The following NRXN3 variants were observed in gnomAD, a reference collection of about 807,000 sequenced individuals.
NRXN3 encodes the protein neurexin III.
A neutral mutation model predicts 137.6 loss-of-function variants in NRXN3; 32 were observed. The observed-to-expected ratio is 0.23, with a 90% CI of 0.18 to 0.31. The LOEUF (loss-of-function observed/expected upper bound fraction) is 0.31, where lower values mean the gene tolerates loss of function less well. Among genes scored for constraint, NRXN3 ranks in the 10% least tolerant of loss-of-function variants. NRXN3 has a pLI of 1.00. For missense variants in NRXN3, 1,574 were observed against 2,062.5 expected, an observed-to-expected ratio of 0.76 and a Z score of 4.59; for synonymous variants, 798 against 784.5, an observed-to-expected ratio of 1.02 and a Z score of -0.29.
At position 79,723,001 on chromosome 14, in the gene NRXN3, T is replaced by G. The variant is rs2098850876; in HGVS notation, c.4014+25064T>G. On this transcript the variant is annotated intron_variant, in intron 19 of 20. Coordinates refer to ENST00000335750, the MANE Select transcript of NRXN3 (RefSeq NM_001330195.2). ...AATAAGCATAGTCTTGAGTGGGCTTTAGTCAGAGTTATTTGTGTGCATTTA... is the reference window on the plus strand; with the variant it reads ...AATAAGCATAGTCTTGAGTGGGCTTGAGTCAGAGTTATTTGTGTGCATTTA... Among the ~76,000 whole-genome samples, 3 of 152,152 alleles carry G rather than the reference T, an allele frequency of 2.0e-5. No homozygotes were observed. In the South Asian group the frequency reaches 6.2e-4, roughly 31 times the overall value.
intron 16 of NRXN3, among the ~76,000 whole-genome samples, chr14:79,470,853 G>T (rs1269991584): frequency 6.7e-6 from 1 of 149,444 alleles, no homozygotes; most frequent in African/African-American, 2.5e-5. Context: ...ATTAGCCAGC[G>T]GTGTATATGT....
intron 15 of NRXN3, among the ~76,000 whole-genome samples, chr14:79,172,368 A>G (rs1368997203): frequency 6.6e-6 from 1 of 152,174 alleles, no homozygotes; most frequent in Non-Finnish European, 1.5e-5. Flanking sequence ...TATTCTGATC[A>G]GATTATTTTT....
At chr14:79,496,632 T>C (rs939851695) in intron 16 of NRXN3, among the ~76,000 whole-genome samples, 2 of 152,214 alleles carry the variant, frequency 1.3e-5, no homozygotes, top group African/African-American at 4.8e-5. Flanking sequence ...TGTGTTTAGA[T>C]TGATGGGCCT....
At chr14:79,493,118 T>A (rs1208754106) in intron 16 of NRXN3, among the ~76,000 whole-genome samples, 1 of 152,148 alleles carries the variant, frequency 6.6e-6, no homozygotes, top group Non-Finnish European at 1.5e-5. Flanking sequence ...GAAGTTGGCA[T>A]TGTGAAGATT....
At chr14:78,273,663 T>C (rs61976008) in intron 2 of NRXN3, among the ~76,000 whole-genome samples, 1 of 152,058 alleles carries the variant, frequency 6.6e-6, no homozygotes, top group Non-Finnish European at 1.5e-5. Context: ...AGGAAATACA[T>C]AGGTAAATAT....
intron 15 of NRXN3, among the ~76,000 whole-genome samples, chr14:79,278,856 C>G (rs2080751011): frequency 2.0e-5 from 3 of 152,202 alleles, no homozygotes; most frequent in Admixed American, 2.0e-4. Flanking sequence ...GGGAGACACA[C>G]GCGCCTGGAG....
At chr14:79,549,330 G>A (rs1033103477) in intron 16 of NRXN3, among the ~76,000 whole-genome samples, 2 of 152,106 alleles carry the variant, frequency 1.3e-5, no homozygotes, top group African/African-American at 2.4e-5. Flanking sequence ...TACCAGCTGT[G>A]TGATCTTTGG....
chr14:79,262,100 A>G (rs548501984), intron 15 of NRXN3, among the ~76,000 whole-genome samples: 3 of 152,148 alleles, frequency 2.0e-5, no homozygotes, highest in Non-Finnish European at 4.4e-5. Context: ...CATTTATACA[A>G]TGTTTACACA....
At chr14:78,999,305 T>C (rs1598384540) in intron 15 of NRXN3, among the ~76,000 whole-genome samples, 2 of 152,256 alleles carry the variant, frequency 1.3e-5, no homozygotes, top group Middle Eastern at 6.8e-3. Context: ...CTGCTGAAAA[T>C]GTGGAAAACA....
At chr14:79,277,361 AAAAGTGCAGTGGAAATCCACCTGG>A (rs1287759066) in intron 15 of NRXN3, among the ~76,000 whole-genome samples, 4 of 152,232 alleles carry the variant, frequency 2.6e-5, no homozygotes, top group Non-Finnish European at 4.4e-5. Flanking sequence ...CCTTAAGGCC[AAAAGTGCAGTGGAAATCCACCTGG>A]GGACTAAATC....
In NRXN3 at chr14:79,448,019, A is replaced by T. The variant is rs186744316; in HGVS notation, c.3263-19202A>T. 1.1e-4 allele frequency among the ~76,000 whole-genome samples: 17 copies of T among 152,302 alleles called. No homozygotes were observed. The East Asian group carries it at 1.9e-3, about 17-fold the overall frequency. On this transcript the variant is annotated intron_variant, in intron 15 of 20. Coordinates refer to ENST00000335750, the MANE Select transcript of NRXN3 (RefSeq NM_001330195.2). Reference sequence around the variant, plus strand: ...TGCAGTCATCTCAGAGTAGAATCAGACAAGGACCTCCTTCACACGAAGTGC... The same window carrying T: ...TGCAGTCATCTCAGAGTAGAATCAGTCAAGGACCTCCTTCACACGAAGTGC...
chr14:79,716,809 G>A (rs1051591923), intron 19 of NRXN3, among the ~76,000 whole-genome samples: 8 of 152,040 alleles, frequency 5.3e-5, no homozygotes, highest in African/African-American at 1.4e-4. Flanking sequence ...TCATGCCTAC[G>A]CTGGAGATTA....
chr14:79,724,261 C>T (rs375787690), intron 19 of NRXN3, among the ~76,000 whole-genome samples: 1 of 152,112 alleles, frequency 6.6e-6, no homozygotes, highest in African/African-American at 2.4e-5. Flanking sequence ...GTCCCTGATG[C>T]AATGAGAATG....
intron 15 of NRXN3, among the ~76,000 whole-genome samples, chr14:79,353,584 G>A (rs1039227638): frequency 5.3e-5 from 8 of 152,130 alleles, no homozygotes; most frequent in African/African-American, 1.9e-4. Flanking sequence ...TTTAGAACAT[G>A]AGGCTCAGTG....
At chr14:79,475,942 C>A (rs976181438) in intron 16 of NRXN3, among the ~76,000 whole-genome samples, 4 of 152,062 alleles carry the variant, frequency 2.6e-5, no homozygotes, top group African/African-American at 9.7e-5. Flanking sequence ...ATCTAAAATG[C>A]AACAAGCAAG....
At chr14:78,711,218 CT>C (rs11326578) in intron 7 of NRXN3, among the ~76,000 whole-genome samples, 50,458 of 151,442 alleles carry the variant, frequency 0.33, 10,683 homozygotes, top group African/African-American at 0.61. Context: ...TAAAAGTTAC[CT>C]TACCCGTGTC....
intron 16 of NRXN3, among the ~76,000 whole-genome samples, chr14:79,483,711 A>G (rs766931426): frequency 6.6e-5 from 10 of 152,162 alleles, no homozygotes; most frequent in Admixed American, 2.0e-4. Context: ...TTTATGCTGC[A>G]GATGCCAAGA....
At chr14:78,224,665 C>T (rs1237042272) in intron 1 of NRXN3, among the ~76,000 whole-genome samples, 1 of 151,098 alleles carries the variant, frequency 6.6e-6, no homozygotes, top group Non-Finnish European at 1.5e-5. Context: ...TTTCTTAATC[C>T]AGTCTATCAT....
At chr14:79,451,486 C>T (rs922851064) in intron 15 of NRXN3, among the ~76,000 whole-genome samples, 16 of 152,066 alleles carry the variant, frequency 1.1e-4, no homozygotes, top group Admixed American at 9.2e-4. Context: ...GTTAGGAGAT[C>T]CAATTAAATA....
Sources: gnomAD v4.1 joint callset for allele counts (sites outside exome capture counted in the v4.1 genomes callset) on GRCh38, gnomAD v4.1.1 for gene constraint, MANE v1.5 for transcripts, NCBI Gene and HGNC (gene_info 2026-07-23, HGNC 2026-07-21) for gene names.